The following GFRA1 variants were observed in gnomAD, a reference collection of about 807,000 sequenced individuals.
GFRA1 encodes GDNF family receptor alpha-1.
GFRA1 carries 16 observed loss-of-function variants against 51.6 expected under a neutral mutation model. The ratio of observed to expected loss-of-function variants is 0.31; its 90% CI spans 0.21 to 0.47. GFRA1 has a LOEUF of 0.47. Ranked by LOEUF, GFRA1 falls within the 20% of genes least tolerant of loss-of-function variation. The probability of loss-of-function intolerance (pLI) is 1.00; values close to 1 mark genes in which losing one functional copy is unlikely to be tolerated. For missense variants in GFRA1, 530 were observed against 594.3 expected, an observed-to-expected ratio of 0.89 and a Z score of 1.13; for synonymous variants, 270 against 241.3, an observed-to-expected ratio of 1.12 and a Z score of -1.10.
chr10:116,229,609 T>C (rs1373401895), intron 4 of GFRA1, among the ~76,000 whole-genome samples: 6 of 152,140 alleles, frequency 3.9e-5, no homozygotes, highest in African/African-American at 1.4e-4. Flanking sequence ...CTGCATGATG[T>C]TCTATGAAGA....
chr10:116,103,892 G>C lies in GFRA1; in HGVS notation c.771-7128C>G, dbSNP rs145277808. 7.2e-5 allele frequency among the ~76,000 whole-genome samples: 11 copies of C among 152,302 alleles called. No individual in the cohort carries two copies. In the East Asian group the frequency reaches 1.9e-3, roughly 27 times the overall value. On this transcript the variant is annotated intron_variant, in intron 6 of 10. Transcript: ENST00000355422. ...TACATTTTGCAGGGGGTGTTATTTT[G>C]TGTTGCTATTGCTGTCTGGGCTGTG... is the stretch of plus-strand genomic sequence containing the variant.
chr10:116,125,018 C>T (rs141003968), intron 6 of GFRA1, among the ~76,000 whole-genome samples: 122 of 152,278 alleles, frequency 8.0e-4, no homozygotes, highest in African/African-American at 2.8e-3. Context: ...TGGGAACTTT[C>T]CCCAGCAGGG....
intron 5 of GFRA1, among the ~76,000 whole-genome samples, chr10:116,197,885 T>A (rs1964021015): frequency 6.6e-6 from 1 of 151,998 alleles, no homozygotes; most frequent in Non-Finnish European, 1.5e-5. Flanking sequence ...GGACAACAGG[T>A]CCCAGGGACC....
At chr10:116,141,813 A>G (rs540608631) in intron 5 of GFRA1, among the ~76,000 whole-genome samples, 3 of 151,986 alleles carry the variant, frequency 2.0e-5, no homozygotes, top group Non-Finnish European at 4.4e-5. Context: ...CAAACTCCTG[A>G]CCTCAGGGGA....
intron 4 of GFRA1, among the ~76,000 whole-genome samples, chr10:116,232,135 T>A (rs1966717340): frequency 6.6e-6 from 1 of 152,200 alleles, no homozygotes; most frequent in African/African-American, 2.4e-5. Flanking sequence ...GCCGCCCTTT[T>A]ATGTCAAACC....
rs1211697596 is a variant in GFRA1, at chr10:116,064,346, A to G, written c.*52T>C. On this transcript the variant is annotated 3_prime_UTR_variant, in exon 11 of 11. Transcript: ENST00000355422. ...AGCTATACAAGAGAACAGGAAACAG[A>G]TAACTTGGTTTTTGTCTTTTTACAT... is the stretch of plus-strand genomic sequence containing the variant. The G allele has an allele frequency of 9.9e-6, 15 of 1,512,984 alleles. No individual in the cohort carries two copies. The East Asian group carries it at 1.4e-4, about 14-fold the overall frequency. The allele number at this position is 1,512,984 out of a possible 1,614,324, so 93.7% of individuals were successfully genotyped here. A position where few individuals can be genotyped will look rare whatever the true frequency, so the allele number is the denominator to read the frequency against.
chr10:116,154,235 G>A (rs1322470537), intron 5 of GFRA1, among the ~76,000 whole-genome samples: 1 of 152,162 alleles, frequency 6.6e-6, no homozygotes, highest in African/African-American at 2.4e-5. Flanking sequence ...TACTCAACAG[G>A]AATGTGTCTA....
chr10:116,191,372 A>T (rs1471977210), intron 5 of GFRA1, among the ~76,000 whole-genome samples: 1 of 152,092 alleles, frequency 6.6e-6, no homozygotes, highest in East Asian at 1.9e-4. Flanking sequence ...GCCAAATAAG[A>T]AGCATAATTA....
rs536813712 is a variant in GFRA1 at position 116,249,157 on chromosome 10, T to G, written c.418+20346A>C. Among the ~76,000 whole-genome samples, 443 of 152,326 alleles carry G rather than the reference T, an allele frequency of 2.9e-3. 2 individuals are homozygous for G. The highest frequency in any genetic ancestry group is 0.01 in the African/African-American group (433 of 41,580). ...TCTGCTTCTCTTTGGGATCACTTTT[T>G]ACACTTGGATTTTCTATGTATTTGT... is the stretch of plus-strand genomic sequence containing the variant. On this transcript the variant is annotated intron_variant, in intron 4 of 10. Coordinates refer to ENST00000355422, the MANE Select transcript of GFRA1 (RefSeq NM_005264.8).
chr10:116,080,283 G>A (rs1397349804), intron 9 of GFRA1, among the ~76,000 whole-genome samples: 1 of 152,176 alleles, frequency 6.6e-6, no homozygotes, highest in East Asian at 1.9e-4. Context: ...AGGAAATTGA[G>A]GCAGAAAAGA....
At chr10:116,174,389 AATAACCT>A (rs1239167634) in intron 5 of GFRA1, among the ~76,000 whole-genome samples, 1 of 152,198 alleles carries the variant, frequency 6.6e-6, no homozygotes, top group Non-Finnish European at 1.5e-5. Context: ...TCTTCTCTTT[AATAACCT>A]ATAAATTTTA....
At chr10:116,175,628 ATCGTCAGGG>A (rs1961509377) in intron 5 of GFRA1, among the ~76,000 whole-genome samples, 1 of 152,190 alleles carries the variant, frequency 6.6e-6, no homozygotes, top group Admixed American at 6.5e-5. Flanking sequence ...GACCTCTACC[ATCGTCAGGG>A]TCCCTTTGTT....
intron 5 of GFRA1, among the ~76,000 whole-genome samples, chr10:116,130,494 C>G (rs901109418): frequency 6.6e-6 from 1 of 152,044 alleles, no homozygotes; most frequent in Non-Finnish European, 1.5e-5. Flanking sequence ...TTCACACTAA[C>G]CTTTCTCAAG....
At position 116,057,655 on chromosome 10, in the gene GFRA1, A is replaced by G. The variant is rs1462250662; in HGVS notation, c.*6743T>C. On this transcript the variant is annotated 3_prime_UTR_variant, in exon 11 of 11. Coordinates refer to ENST00000355422, the MANE Select transcript of GFRA1 (RefSeq NM_005264.8). The stretch of plus-strand genomic sequence containing the variant: ...CTCTGCAGTGAAAAGTGTTTCCCCC[A>G]CTCCCTTGGGCGAGGGAAGGGAGAA... 6.6e-6 allele frequency: 1 copy of G among 151,838 alleles called. No homozygotes were observed. Among genetic ancestry groups the G allele is most frequent in the Non-Finnish European group, 1.5e-5 (1 of 67,998 alleles). 9.4% of individuals were successfully genotyped at this position (151,838 alleles called of 1,614,324 possible). A position where few individuals can be genotyped will look rare whatever the true frequency, so the allele number is the denominator to read the frequency against.
At chr10:116,265,035 T>A (rs749473867) in intron 4 of GFRA1, among the ~76,000 whole-genome samples, 2 of 152,196 alleles carry the variant, frequency 1.3e-5, no homozygotes, top group African/African-American at 2.4e-5. Context: ...AATATGACGG[T>A]GCATTTGAAC....
intron 4 of GFRA1, among the ~76,000 whole-genome samples, chr10:116,253,705 T>C (rs756736417): frequency 6.6e-6 from 1 of 152,160 alleles, no homozygotes; most frequent in Non-Finnish European, 1.5e-5. Context: ...CCTAAGCCTC[T>C]CTAAAATAAA....
chr10:116,112,782 G>A (rs935884908), intron 6 of GFRA1, among the ~76,000 whole-genome samples: 1 of 152,198 alleles, frequency 6.6e-6, no homozygotes, highest in Non-Finnish European at 1.5e-5. Flanking sequence ...ATGCTCCAAG[G>A]TTCTCTAATT....
chr10:116,079,650 C>T (rs187746353), intron 9 of GFRA1, among the ~76,000 whole-genome samples: 182 of 152,134 alleles, frequency 1.2e-3, no homozygotes, highest in Middle Eastern at 6.8e-3. Context: ...AGGCCAGGGA[C>T]GCTGCTAAAT....
chr10:116,227,882 T>C (rs1242763487), intron 4 of GFRA1, among the ~76,000 whole-genome samples: 1 of 152,188 alleles, frequency 6.6e-6, no homozygotes, highest in Non-Finnish European at 1.5e-5. Context: ...ACTGGGCATA[T>C]CCAAAGATGA....
Sources: gnomAD v4.1 joint callset for allele counts (sites outside exome capture counted in the v4.1 genomes callset) on GRCh38, gnomAD v4.1.1 for gene constraint, MANE v1.5 for transcripts, NCBI Gene and HGNC (gene_info 2026-07-23, HGNC 2026-07-21) for gene names.